Variants in CSMD2 observed in about 807,000 individuals in gnomAD.
CSMD2 encodes the protein CUB and Sushi multiple domains 2.
Under a neutral mutation model 398.5 loss-of-function variants are expected in CSMD2, and 130 were observed. That is an observed-to-expected ratio of 0.33 (90% confidence interval 0.28 to 0.38). The LOEUF (loss-of-function observed/expected upper bound fraction) is 0.38. Ranked by LOEUF, CSMD2 falls within the 10% of genes least tolerant of loss-of-function variation. The pLI, the probability that CSMD2 is intolerant of heterozygous loss-of-function variation, is 1.00. For missense variants in CSMD2, 3,829 were observed against 4,764.9 expected, an observed-to-expected ratio of 0.80 and a Z score of 5.78; for synonymous variants, 1,828 against 1,908.5, an observed-to-expected ratio of 0.96 and a Z score of 1.10.
chr1:34,093,803 G>T (rs908594963), intron 1 of CSMD2, among the ~76,000 whole-genome samples: 7 of 152,120 alleles, frequency 4.6e-5, no homozygotes, highest in African/African-American at 1.2e-4. Context: ...GAAAGTGATG[G>T]GGAGAATGGA....
chr1:34,133,599 C>T (rs553752445), intron 1 of CSMD2, among the ~76,000 whole-genome samples: 1 of 151,928 alleles, frequency 6.6e-6, no homozygotes, highest in South Asian at 2.1e-4. Context: ...CCACTGCACT[C>T]CAGCTTGGGT....
intron 42 of CSMD2, among the ~76,000 whole-genome samples, chr1:33,604,837 G>T (rs890067393): frequency 7.2e-5 from 11 of 152,174 alleles, no homozygotes; most frequent in African/African-American, 2.7e-4. Context: ...ATGGAGCAGG[G>T]AGGGGGAAGA....
chr1:33,823,416 CT>C (rs557033820), intron 7 of CSMD2, among the ~76,000 whole-genome samples: 250 of 149,662 alleles, frequency 1.7e-3, no homozygotes, highest in African/African-American at 5.9e-3. Context: ...TAATTCCAGT[CT>C]TCTCTGCCTA....
chr1:33,953,735 C>T (rs754373608), intron 3 of CSMD2, among the ~76,000 whole-genome samples: 26 of 152,178 alleles, frequency 1.7e-4, no homozygotes, highest in Admixed American at 5.2e-4. Context: ...AGCCCCATTC[C>T]AAGCTTAAAA....
intron 46 of CSMD2, among the ~76,000 whole-genome samples, chr1:33,585,843 C>A (rs1309134381): frequency 1.3e-5 from 2 of 152,188 alleles, no homozygotes; most frequent in Admixed American, 1.3e-4. Flanking sequence ...AAATATGGAG[C>A]AATTACTGCA....
At chr1:34,052,872 C>T (rs1376162739) in intron 2 of CSMD2, among the ~76,000 whole-genome samples, 7 of 152,092 alleles carry the variant, frequency 4.6e-5, no homozygotes, top group Admixed American at 1.3e-4. Flanking sequence ...TGGTAAGAGA[C>T]GACTAAGAGG....
intron 13 of CSMD2, among the ~76,000 whole-genome samples, chr1:33,744,789 A>G (rs1355632098): frequency 2.6e-5 from 4 of 152,178 alleles, no homozygotes; most frequent in African/African-American, 4.8e-5. Context: ...GTCCATTTCA[A>G]TAGAAAAAAT....
At chr1:33,922,237 T>C (rs1643967453) in intron 4 of CSMD2, among the ~76,000 whole-genome samples, 1 of 151,038 alleles carries the variant, frequency 6.6e-6, no homozygotes, top group East Asian at 1.9e-4. Context: ...ACCACAGGAG[T>C]GGAGAAGGCT....
chr1:33,989,536 A>G (rs1646477980), intron 3 of CSMD2, among the ~76,000 whole-genome samples: 1 of 152,228 alleles, frequency 6.6e-6, no homozygotes, highest in Admixed American at 6.5e-5. Context: ...GTTCATTCAC[A>G]GCAGGTTTAC....
chr1:34,072,832 T>G (rs1445938906), intron 2 of CSMD2, among the ~76,000 whole-genome samples: 2 of 152,086 alleles, frequency 1.3e-5, no homozygotes, highest in Non-Finnish European at 2.9e-5. Context: ...AGACCCTCCC[T>G]TTGGCATTAG....
intron 25 of CSMD2, among the ~76,000 whole-genome samples, chr1:33,679,210 T>TG (rs1644822749): frequency 6.6e-6 from 1 of 150,662 alleles, no homozygotes; most frequent in African/African-American, 2.4e-5. Flanking sequence ...TTTTTTTTTT[T>TG]TTTTTTTTTT....
chr1:34,139,833 A>C (rs1200930462), intron 1 of CSMD2, among the ~76,000 whole-genome samples: 1 of 152,218 alleles, frequency 6.6e-6, no homozygotes, highest in African/African-American at 2.4e-5. Flanking sequence ...TAAATTAAAA[A>C]GACAAACTGG....
At chr1:33,971,426 G>A (rs1422935312) in intron 3 of CSMD2, among the ~76,000 whole-genome samples, 1 of 152,262 alleles carries the variant, frequency 6.6e-6, no homozygotes, top group African/African-American at 2.4e-5. Context: ...CACAGGCTGG[G>A]AGATCTGCAG....
At chr1:34,153,652 C>T (rs1442694210) in intron 1 of CSMD2, among the ~76,000 whole-genome samples, 1 of 152,214 alleles carries the variant, frequency 6.6e-6, no homozygotes. Flanking sequence ...GGTATAGCAT[C>T]CATCCATTAA....
chr1:34,126,841 C>T (rs1301944062), intron 1 of CSMD2, among the ~76,000 whole-genome samples: 2 of 150,042 alleles, frequency 1.3e-5, no homozygotes, highest in Non-Finnish European at 3.0e-5. Context: ...GAGAGACGGG[C>T]AGGGGAGGGA....
In CSMD2 at chr1:33,788,440, G is replaced by A. The variant is rs139859159; in HGVS notation, c.1663+160C>T. Among the ~76,000 whole-genome samples the A allele has an allele frequency of 3.3e-3, 500 of 151,654 alleles. 5 individuals are homozygous for A. The highest frequency in any genetic ancestry group is 0.01 in the African/African-American group (433 of 41,272). On this transcript the variant is annotated intron_variant, in intron 12 of 70. Transcript: ENST00000373381. The stretch of plus-strand genomic sequence containing the variant: ...GGAGAATCACTTGAACCTGGGAGGC[G>A]GAGGCTGTAGTGAGCTAAGATCGTG...
intron 6 of CSMD2, among the ~76,000 whole-genome samples, chr1:33,843,208 C>A (rs1304802024): frequency 6.6e-6 from 1 of 152,060 alleles, no homozygotes; most frequent in African/African-American, 2.4e-5. Flanking sequence ...TAATGTCACC[C>A]CAAAATGCTT....
intron 2 of CSMD2, among the ~76,000 whole-genome samples, chr1:34,052,957 G>A (rs375467891): frequency 6.6e-6 from 1 of 152,112 alleles, no homozygotes; most frequent in Admixed American, 6.5e-5. Flanking sequence ...CTGAAACTGG[G>A]GGACAAAGAG....
chr1:33,695,191 C>T (rs747974266), intron 24 of CSMD2, among the ~76,000 whole-genome samples: 2 of 151,952 alleles, frequency 1.3e-5, no homozygotes, highest in Non-Finnish European at 1.5e-5. Flanking sequence ...AACAGCATGG[C>T]AGGCTGGAGG....
Sources: allele counts gnomAD v4.1 joint callset (sites outside exome capture counted in the v4.1 genomes callset), GRCh38; gene constraint gnomAD v4.1.1; transcripts MANE v1.5; gene names NCBI Gene and HGNC (gene_info 2026-07-23, HGNC 2026-07-21).